Variants in CRACD observed in about 807,000 individuals in gnomAD.
The protein encoded by CRACD is capping protein-inhibiting regulator of actin dynamics.
CRACD carries 56 observed loss-of-function variants against 106.8 expected under a neutral mutation model. That is an observed-to-expected ratio of 0.52 (90% CI 0.42 to 0.66). CRACD has a LOEUF of 0.66. CRACD is among the 30% of genes least tolerant of loss of function. CRACD has a pLI of 0.00. For synonymous variants in CRACD, 754 were observed against 670.8 expected (o/e 1.12, Z -1.92); for missense variants, 1,730 against 1,623.2 (o/e 1.07, Z -1.13).
intron 2 of CRACD, among the ~76,000 whole-genome samples, chr4:56,250,336 A>C (rs1044061152): frequency 6.6e-6 from 1 of 152,220 alleles, no homozygotes; most frequent in Non-Finnish European, 1.5e-5. Context: ...AGCTGGCAAT[A>C]TAATAACTAA....
At chr4:56,233,836 C>A (rs558451186) in intron 2 of CRACD, among the ~76,000 whole-genome samples, 1 of 152,246 alleles carries the variant, frequency 6.6e-6, no homozygotes, top group South Asian at 2.1e-4. Flanking sequence ...TATGGTATAT[C>A]TCTTCAATTA....
intron 1 of CRACD, among the ~76,000 whole-genome samples, chr4:56,156,990 TG>T (rs1158205827): frequency 6.6e-6 from 1 of 152,180 alleles, no homozygotes; most frequent in African/African-American, 2.4e-5. Flanking sequence ...CTGGAAATAA[TG>T]GGCACTTAAT....
rs1305931006 is a variant in CRACD, at chr4:56,329,011, C to A, written c.*1207C>A. Reference sequence around the variant, plus strand: ...TAATTGAGTAATTCATATTTAGAGTCACATGTCCAGTAGCATTTCTAATTT... The same window carrying A: ...TAATTGAGTAATTCATATTTAGAGTAACATGTCCAGTAGCATTTCTAATTT... On this transcript the variant is annotated 3_prime_UTR_variant, in exon 11 of 11. Transcript: ENST00000682029. Among the ~76,000 whole-genome samples, 1 of 152,184 alleles carries A rather than the reference C, an allele frequency of 6.6e-6. No homozygotes were observed. The highest frequency in any genetic ancestry group is 1.5e-5 in the Non-Finnish European group (1 of 68,030).
At chr4:56,206,845 C>T (rs1037770953) in intron 2 of CRACD, among the ~76,000 whole-genome samples, 1 of 152,164 alleles carries the variant, frequency 6.6e-6, no homozygotes, top group Non-Finnish European at 1.5e-5. Context: ...CTCAGCACAT[C>T]ATTCATAAGT....
intron 1 of CRACD, among the ~76,000 whole-genome samples, chr4:56,057,391 A>G (rs1228983937): frequency 2.0e-5 from 3 of 152,170 alleles, no homozygotes; most frequent in Non-Finnish European, 4.4e-5. Context: ...GTGTGTGTGT[A>G]TGTGTATATT....
At chr4:56,220,934 T>C (rs938060597) in intron 2 of CRACD, among the ~76,000 whole-genome samples, 13 of 152,066 alleles carry the variant, frequency 8.5e-5, no homozygotes, top group African/African-American at 3.1e-4. Context: ...ACTCACCAGA[T>C]GGAGAAGTGA....
At chr4:56,108,487 G>A (rs1208075465) in intron 1 of CRACD, among the ~76,000 whole-genome samples, 1 of 152,194 alleles carries the variant, frequency 6.6e-6, no homozygotes, top group Non-Finnish European at 1.5e-5. Context: ...CTTAGCGGGT[G>A]TTCTCCCCGT....
intron 1 of CRACD, among the ~76,000 whole-genome samples, chr4:56,087,149 A>T (rs1207637580): frequency 1.3e-5 from 2 of 151,990 alleles, no homozygotes; most frequent in East Asian, 3.9e-4. Flanking sequence ...AGTAGCTGGG[A>T]TTACAGGCAT....
At chr4:56,154,587 C>G (rs1241039396) in intron 1 of CRACD, among the ~76,000 whole-genome samples, 1 of 152,110 alleles carries the variant, frequency 6.6e-6, no homozygotes, top group Non-Finnish European at 1.5e-5. Context: ...TATTAATAAA[C>G]TATGAAGAAA....
chr4:56,108,829 A>G (rs1261303917), intron 1 of CRACD, among the ~76,000 whole-genome samples: 1 of 152,204 alleles, frequency 6.6e-6, no homozygotes, highest in Non-Finnish European at 1.5e-5. Flanking sequence ...TAAGACTTTC[A>G]CTATTTCTTC....
intron 1 of CRACD, among the ~76,000 whole-genome samples, chr4:56,060,952 T>G (rs554493745): frequency 3.3e-5 from 5 of 152,248 alleles, no homozygotes; most frequent in African/African-American, 1.2e-4. Context: ...TCCAGAACTG[T>G]GAGAAGCAGA....
At chr4:56,160,773 T>C (rs535220595) in intron 1 of CRACD, among the ~76,000 whole-genome samples, 1 of 152,248 alleles carries the variant, frequency 6.6e-6, no homozygotes, top group African/African-American at 2.4e-5. Context: ...TATGCGCACC[T>C]GTTACGTGAT....
At chr4:56,163,470 AATCT>A (rs962656511) in intron 1 of CRACD, among the ~76,000 whole-genome samples, 4 of 152,176 alleles carry the variant, frequency 2.6e-5, no homozygotes, top group African/African-American at 9.7e-5. Context: ...TAAATAAACC[AATCT>A]ATCCTTTGTT....
chr4:56,218,740 T>A (rs1738873206), intron 2 of CRACD, among the ~76,000 whole-genome samples: 2 of 151,936 alleles, frequency 1.3e-5, no homozygotes, highest in South Asian at 4.2e-4. Context: ...CACAAAGTGT[T>A]AGGATTACAG....
At chr4:56,261,019 G>T (rs1268317886) in intron 2 of CRACD, among the ~76,000 whole-genome samples, 1 of 152,180 alleles carries the variant, frequency 6.6e-6, no homozygotes, top group Non-Finnish European at 1.5e-5. Flanking sequence ...AGTGTAGCCA[G>T]CAGGGTCCAG....
rs1734429403 is a variant in CRACD at position 56,119,930 on chromosome 4, C to T, written c.-335-59354C>T. Among the ~76,000 whole-genome samples, 4 of 152,182 alleles carry T rather than the reference C, an allele frequency of 2.6e-5. No homozygotes were observed. In the South Asian group the frequency reaches 8.3e-4, roughly 32 times the overall value. ...CTTCTCCAAAACACAAGCATTGTTG[C>T]CCCTCCTTTTTTTCCACCATCCCAT... On this transcript the variant is annotated intron_variant, in intron 1 of 10. Coordinates refer to ENST00000682029, the MANE Select transcript of CRACD (RefSeq NM_001393381.1).
At chr4:56,104,625 G>C (rs895337055) in intron 1 of CRACD, among the ~76,000 whole-genome samples, 1 of 152,138 alleles carries the variant, frequency 6.6e-6, no homozygotes, top group Non-Finnish European at 1.5e-5. Flanking sequence ...TGTGCTCCAC[G>C]AGCTCTGTGC....
chr4:56,301,271 CT>C, intron 4 of CRACD: 1 of 1,271,700 alleles, frequency 7.9e-7, no homozygotes. Flanking sequence ...GTGATAGTAA[CT>C]TTATTAACTT....
In CRACD at chr4:56,314,204, G is replaced by A. The variant is rs765975322; in HGVS notation, c.702G>A (p.Lys234=). The A allele has an allele frequency of 1.2e-6, 2 of 1,611,082 alleles. No homozygotes were observed. The highest frequency in any genetic ancestry group is 2.2e-5 in the South Asian group (2 of 90,674). The part of the protein sequence containing the change: ...QEDYWRELEA[K]CKRQKAEAAE... ...ACTACTGGCGAGAACTGGAGGCCAA[G>A]TGCAAGCGGCAAAAGGCGGAAGCAG... Residue 234 remains lysine, a synonymous_variant, in exon 8 of 11, where the codon AAG becomes AAA. Transcript: ENST00000682029. The surrounding 1 kb of genome is among the most constrained non-coding windows in gnomAD (Gnocchi z 4.4).
Sources: allele counts gnomAD v4.1 joint callset (sites outside exome capture counted in the v4.1 genomes callset), GRCh38; gene constraint gnomAD v4.1.1; non-coding constraint Gnocchi (gnomAD v3.1); transcripts MANE v1.5; gene names NCBI Gene and HGNC (gene_info 2026-07-23, HGNC 2026-07-21).